The following CUL4A variants were observed in gnomAD, a reference collection of about 807,000 sequenced individuals.
The protein encoded by CUL4A is cullin-4A.
In CUL4A, 16 loss-of-function variants were observed where a neutral mutation model predicts 95.5. That is an observed-to-expected ratio of 0.17 (90% CI 0.11 to 0.25). The LOEUF is 0.25. Among genes scored for constraint, CUL4A ranks in the 10% least tolerant of loss-of-function variants. CUL4A has a pLI of 1.00. For synonymous variants in CUL4A, 380 were observed against 353.1 expected (o/e 1.08, Z -0.85); for missense variants, 610 against 937.0 (o/e 0.65, Z 4.56).
intron 2 of CUL4A, among the ~76,000 whole-genome samples, chr13:113,210,361 C>G (rs1313229834): frequency 3.9e-5 from 6 of 152,212 alleles, no homozygotes; most frequent in Non-Finnish European, 8.8e-5. Context: ...AGCCACGTGA[C>G]TCATATTTTG....
intron 10 of CUL4A, among the ~76,000 whole-genome samples, chr13:113,241,010 A>C (rs2041693563): frequency 6.6e-6 from 1 of 152,196 alleles, no homozygotes; most frequent in African/African-American, 2.4e-5. Flanking sequence ...AAAAAAGATA[A>C]AGCTTACATG....
At chr13:113,229,549 C>G in intron 5 of CUL4A, 30 bp downstream of exon 5, 1 of 1,568,888 alleles carries the variant, frequency 6.4e-7, no homozygotes. Flanking sequence ...AGAGCTGCGT[C>G]TTCCCTGCAG....
At chr13:113,253,976 A>G (rs2042059344) in intron 16 of CUL4A, among the ~76,000 whole-genome samples, 1 of 152,202 alleles carries the variant, frequency 6.6e-6, no homozygotes, top group South Asian at 2.1e-4. Flanking sequence ...ATGAAACCAT[A>G]TATTCTCTTC....
At position 113,254,680 on chromosome 13, in the gene CUL4A, C is replaced by T. The variant is rs548016212; in HGVS notation, c.1753-13C>T. On this transcript the variant is annotated splice_polypyrimidine_tract_variant and intron_variant, in intron 16 of 19. Transcript: ENST00000375440. ...GCACAGCTTCAGAGGTGTGATGAGG[C>T]CTTCTCTTCCAGGGGAAGAAGGAAT... The T allele has an allele frequency of 1.3e-4, 198 of 1,537,798 alleles. No homozygotes were observed. The South Asian group carries it at 1.9e-3, about 15-fold the overall frequency.
rs949252933 is a variant in CUL4A at position 113,264,766 on chromosome 13, A to C, written c.*1184A>C. On this transcript the variant is annotated 3_prime_UTR_variant, in exon 20 of 20. Transcript: ENST00000375440. ...ATATTTTCTGGAATATACCAAGTTT[A>C]TATAATTTGATTTTGTGCTAAATTA... 1 of 152,690 alleles carries C rather than the reference A, an allele frequency of 6.5e-6. No individual in the cohort carries two copies. Among genetic ancestry groups the C allele is most frequent in the Non-Finnish European group, 1.5e-5 (1 of 68,050 alleles). 9.5% of individuals were successfully genotyped at this position (152,690 alleles called of 1,614,324 possible).
upstream of CUL4A, chr13:113,208,416 C>CG: frequency 6.7e-7 from 1 of 1,485,156 alleles, no homozygotes; most frequent in South Asian, 1.3e-5. Flanking sequence ...GGGGAGAACT[C>CG]GGGCCGCCTT....
rs2042363773 is a variant in CUL4A at position 113,264,434 on chromosome 13, G to C, written c.*852G>C. 1 of 152,148 alleles carries C rather than the reference G, an allele frequency of 6.6e-6. No homozygotes were observed. Among genetic ancestry groups the C allele is most frequent in the African/African-American group, 2.4e-5 (1 of 41,424 alleles). The allele number at this position is 152,148 out of a possible 1,614,324, so 9.4% of individuals were successfully genotyped here. Reference sequence around the variant, plus strand: ...TTTGGTTTTTACAGTCATGCGCAGGGACGATCCTTGTTCTCTGCTGTAAAC... The same window carrying C: ...TTTGGTTTTTACAGTCATGCGCAGGCACGATCCTTGTTCTCTGCTGTAAAC... On this transcript the variant is annotated 3_prime_UTR_variant, in exon 20 of 20. Coordinates refer to ENST00000375440, the MANE Select transcript of CUL4A (RefSeq NM_001008895.4).
intron 18 of CUL4A, among the ~76,000 whole-genome samples, chr13:113,260,326 G>A (rs1011397347): frequency 1.7e-4 from 25 of 151,412 alleles, no homozygotes; most frequent in East Asian, 3.9e-4. Context: ...CAAGGTGGGC[G>A]GATCATCTGA....
At chr13:113,257,207 G>A (rs2042152738) in intron 18 of CUL4A, among the ~76,000 whole-genome samples, 1 of 152,162 alleles carries the variant, frequency 6.6e-6, no homozygotes, top group East Asian at 1.9e-4. Context: ...TTACAGGCGT[G>A]AGCCACCATG....
intron 16 of CUL4A, 34 bp downstream of exon 16, chr13:113,253,229 T>C: frequency 8.6e-7 from 1 of 1,162,968 alleles, no homozygotes; most frequent in East Asian, 2.7e-5. Context: ...TTTTATTATT[T>C]GTAAATATGT....
At chr13:113,211,410 G>A (rs1301967432) in intron 2 of CUL4A, among the ~76,000 whole-genome samples, 1 of 152,210 alleles carries the variant, frequency 6.6e-6, no homozygotes, top group African/African-American at 2.4e-5. Flanking sequence ...TTGAGACGGA[G>A]TTTCACTCTT....
intron 5 of CUL4A, among the ~76,000 whole-genome samples, chr13:113,230,917 C>T (rs576507497): frequency 1.2e-4 from 18 of 152,072 alleles, no homozygotes; most frequent in South Asian, 2.1e-4. Context: ...ACTATAGGCA[C>T]GCACCACCAC....
chr13:113,248,200 C>T (rs1410704831), intron 15 of CUL4A, among the ~76,000 whole-genome samples: 1 of 152,100 alleles, frequency 6.6e-6, no homozygotes, highest in African/African-American at 2.4e-5. Flanking sequence ...CAGCTGTCAC[C>T]TGTGTGGCGA....
At chr13:113,239,319 C>G in intron 9 of CUL4A, 114 bp from the exon 10 acceptor site, 1 of 888,524 alleles carries the variant, frequency 1.1e-6, no homozygotes, top group Non-Finnish European at 1.9e-6. Flanking sequence ...ATGTGGAGAC[C>G]CGCCCAATTT....
At chr13:113,256,331 A>G (rs2042119443) in intron 18 of CUL4A, among the ~76,000 whole-genome samples, 1 of 152,158 alleles carries the variant, frequency 6.6e-6, no homozygotes, top group Non-Finnish European at 1.5e-5. Context: ...AGGCACTAAC[A>G]TTCCTCCACT....
At chr13:113,213,855 C>T (rs2040542747) in intron 2 of CUL4A, among the ~76,000 whole-genome samples, 1 of 152,230 alleles carries the variant, frequency 6.6e-6, no homozygotes, top group East Asian at 1.9e-4. Flanking sequence ...AGTTGATTCA[C>T]TTACTTGTGA....
At chr13:113,260,523 C>T in intron 18 of CUL4A, 84 bp from the exon 19 acceptor site, 1 of 1,259,876 alleles carries the variant, frequency 7.9e-7, no homozygotes. Context: ...GCACTCTAGC[C>T]CAGGCAACTG....
chr13:113,243,947 C>G (rs1036457790), intron 11 of CUL4A, among the ~76,000 whole-genome samples: 6 of 152,174 alleles, frequency 3.9e-5, no homozygotes, highest in Non-Finnish European at 8.8e-5. Context: ...CTGACGATGG[C>G]TTGTGCAGCC....
chr13:113,256,549 C>A (rs901112278), intron 18 of CUL4A, among the ~76,000 whole-genome samples: 6 of 152,158 alleles, frequency 3.9e-5, no homozygotes, highest in African/African-American at 1.4e-4. Context: ...CCTTCGCTCA[C>A]CCTGTTCTGA....
Sources: allele counts gnomAD v4.1 joint callset (sites outside exome capture counted in the v4.1 genomes callset), GRCh38; gene constraint gnomAD v4.1.1; transcripts MANE v1.5; gene names NCBI Gene and HGNC (gene_info 2026-07-23, HGNC 2026-07-21).